Variants in CSMD1 observed in about 807,000 individuals in gnomAD.
The protein encoded by CSMD1 is CUB and sushi domain-containing protein 1.
In CSMD1, 213 loss-of-function variants were observed where a neutral mutation model predicts 417.5. That is an observed-to-expected ratio of 0.51 (90% CI 0.46 to 0.57). CSMD1 has a LOEUF of 0.57. Ranked by LOEUF, CSMD1 falls within the 20% of genes least tolerant of loss-of-function variation. The pLI, the probability that CSMD1 is intolerant of heterozygous loss-of-function variation, is 0.00. For missense variants in CSMD1, 6,923 were observed against 4,529.7 expected (o/e 1.53, Z -15.17); for synonymous variants, 2,862 against 1,736.8 (o/e 1.65, Z -16.11).
intron 52 of CSMD1, among the ~76,000 whole-genome samples, chr8:3,000,844 G>A (rs1036992792): frequency 6.6e-6 from 1 of 152,302 alleles, no homozygotes; most frequent in South Asian, 2.1e-4. Flanking sequence ...ATCGCGACAG[G>A]CGTCTTTACT....
At chr8:4,386,847 C>A (rs2128921733) in intron 3 of CSMD1, among the ~76,000 whole-genome samples, 1 of 152,298 alleles carries the variant, frequency 6.6e-6, no homozygotes, top group Middle Eastern at 3.4e-3. Flanking sequence ...AAGACCACAG[C>A]AGCAAATGTT....
intron 1 of CSMD1, among the ~76,000 whole-genome samples, chr8:4,682,193 A>G (rs918869775): frequency 1.1e-4 from 16 of 151,880 alleles, no homozygotes; most frequent in Admixed American, 5.9e-4. Context: ...TGCCTGGCTA[A>G]ATTTTTGAAT....
At chr8:4,067,119 CCA>C (rs1005566641) in intron 3 of CSMD1, among the ~76,000 whole-genome samples, 78 of 152,314 alleles carry the variant, frequency 5.1e-4, no homozygotes, top group African/African-American at 1.8e-3. Context: ...AAATGTGTTT[CCA>C]CAGAGTCACT....
intron 3 of CSMD1, among the ~76,000 whole-genome samples, chr8:4,149,117 C>T (rs1229073116): frequency 6.6e-6 from 1 of 152,040 alleles, no homozygotes; most frequent in Non-Finnish European, 1.5e-5. Context: ...GCGTGTACCA[C>T]CACACCCAGC....
intron 1 of CSMD1, among the ~76,000 whole-genome samples, chr8:4,921,629 G>T (rs1329972948): frequency 1.3e-5 from 2 of 152,112 alleles, no homozygotes; most frequent in Admixed American, 1.3e-4. Context: ...GATAATGGAA[G>T]GATAACCAAC....
Position 4,080,179 on chromosome 8 carries a change from T to G in CSMD1, c.416-48080A>C, listed in dbSNP as rs141157025. The stretch of plus-strand genomic sequence containing the variant: ...ACAAGCCATGCATTTCTATGAATCT[T>G]TACTTGGGTTCATTCTAGCTCCCCA... On this transcript the variant is annotated intron_variant, in intron 3 of 69. Transcript: ENST00000635120. Among the ~76,000 whole-genome samples, 566 of 152,196 alleles carry G rather than the reference T, an allele frequency of 3.7e-3. 4 individuals carry two copies. Among genetic ancestry groups the G allele is most frequent in the Middle Eastern group, 0.017 (5 of 294 alleles).
intron 1 of CSMD1, among the ~76,000 whole-genome samples, chr8:4,965,049 A>C (rs1254453108): frequency 1.3e-5 from 2 of 152,196 alleles, no homozygotes; most frequent in African/African-American, 2.4e-5. Context: ...TAAAGAAGGA[A>C]TCAAATATAT....
chr8:3,981,515 A>AAAAAAAAAAAAAAAC (rs1813866165), intron 5 of CSMD1, among the ~76,000 whole-genome samples: 1 of 148,412 alleles, frequency 6.7e-6, no homozygotes, highest in African/African-American at 2.5e-5. Flanking sequence ...AAAAAAAAAA[A>AAAAAAAAAAAAAAAC]AAAAAAAAAA....
At chr8:4,474,526 GAGCAGATGT>G (rs1800697522) in intron 2 of CSMD1, among the ~76,000 whole-genome samples, 1 of 152,202 alleles carries the variant, frequency 6.6e-6, no homozygotes. Flanking sequence ...TACAAACTTT[GAGCAGATGT>G]CATGGGGTTT....
chr8:3,007,749 C>T (rs1372515969), intron 52 of CSMD1, among the ~76,000 whole-genome samples: 1 of 131,884 alleles, frequency 7.6e-6, no homozygotes, highest in African/African-American at 2.9e-5. Context: ...GGAAGGGGAA[C>T]ATCACACTCT....
chr8:3,493,534 A>C (rs936735880), intron 11 of CSMD1, 89 bp downstream of exon 11: 2 of 1,128,748 alleles, frequency 1.8e-6, no homozygotes, highest in South Asian at 2.9e-5. Flanking sequence ...CCTGAGGCCG[A>C]ATTACAAGCC....
At position 4,449,165 on chromosome 8, in the gene CSMD1, A is replaced by G. The variant is rs62481018; in HGVS notation, c.303-29100T>C. Among the ~76,000 whole-genome samples the G allele has an allele frequency of 5.9e-5, 9 of 152,230 alleles. No individual in the cohort carries two copies. In the South Asian group the frequency reaches 8.3e-4, roughly 14 times the overall value. On this transcript the variant is annotated intron_variant, in intron 2 of 69. Transcript: ENST00000635120. ...ACTTTGCAAATATTTAGCAATATAG[A>G]TCACTCAAAAGCAAGTACATTCTTC... is the stretch of plus-strand genomic sequence containing the variant.
chr8:4,232,838 T>A (rs1035329547), intron 3 of CSMD1, among the ~76,000 whole-genome samples: 1 of 152,146 alleles, frequency 6.6e-6, no homozygotes, highest in Non-Finnish European at 1.5e-5. Context: ...TTACTTTATT[T>A]ATTTATTTAT....
intron 3 of CSMD1, among the ~76,000 whole-genome samples, chr8:4,160,290 T>A (rs1208820676): frequency 6.6e-6 from 1 of 152,152 alleles, no homozygotes; most frequent in Non-Finnish European, 1.5e-5. Context: ...AAGTACTGAA[T>A]TTAGGAAACT....
intron 2 of CSMD1, among the ~76,000 whole-genome samples, chr8:4,456,944 C>T (rs544597857): frequency 1.3e-5 from 2 of 148,846 alleles, no homozygotes. Flanking sequence ...CATGGCAATT[C>T]CTCTGATTTA....
At chr8:3,692,849 T>G (rs1800327964) in intron 7 of CSMD1, among the ~76,000 whole-genome samples, 1 of 152,180 alleles carries the variant, frequency 6.6e-6, no homozygotes, top group African/African-American at 2.4e-5. Flanking sequence ...TTAGTAATGT[T>G]TCTTTGGAAA....
At chr8:4,895,751 A>G (rs1293251972) in intron 1 of CSMD1, among the ~76,000 whole-genome samples, 1 of 151,910 alleles carries the variant, frequency 6.6e-6, no homozygotes, top group Admixed American at 6.6e-5. Flanking sequence ...CTAGTAATTA[A>G]CCAAAGATAT....
At chr8:3,029,586 G>A in intron 50 of CSMD1, 73 bp from the exon 51 acceptor site, 4 of 1,317,348 alleles carry the variant, frequency 3.0e-6, no homozygotes, top group South Asian at 2.8e-5. Context: ...GCTTTGGATG[G>A]CAAGGTCTTG....
intron 1 of CSMD1, among the ~76,000 whole-genome samples, chr8:4,941,677 C>A (rs1380480865): frequency 6.6e-6 from 1 of 151,970 alleles, no homozygotes; most frequent in Non-Finnish European, 1.5e-5. Flanking sequence ...CAGCTCTCTG[C>A]AGCCTCGATC....
Sources: gnomAD v4.1 joint callset for allele counts (sites outside exome capture counted in the v4.1 genomes callset) on GRCh38, gnomAD v4.1.1 for gene constraint, MANE v1.5 for transcripts, NCBI Gene and HGNC (gene_info 2026-07-23, HGNC 2026-07-21) for gene names.